DNAAF9: variants seen among roughly 807,000 people sequenced by gnomAD.
DNAAF9 encodes dynein axonemal assembly factor 9, also known as shulin.
A neutral mutation model predicts 167.0 loss-of-function variants in DNAAF9; 90 were observed. The observed-to-expected ratio is 0.54, with a 90% CI of 0.45 to 0.64. The LOEUF (loss-of-function observed/expected upper bound fraction) is 0.64, where lower values mean the gene tolerates loss of function less well. Ranked by LOEUF, DNAAF9 falls within the 30% of genes least tolerant of loss-of-function variation. DNAAF9 has a pLI of 0.00. For missense variants in DNAAF9, 1,315 were observed against 1,442.2 expected (o/e 0.91, Z 1.43); for synonymous variants, 491 against 508.8 (o/e 0.96, Z 0.47).
At chr20:3,264,548 C>A in intron 30 of DNAAF9, 24 bp from the exon 31 acceptor site, 2 of 1,154,030 alleles carry the variant, frequency 1.7e-6, no homozygotes. Context: ...CAGAAAAGAC[C>A]TAGATTAATT....
At chr20:3,335,527 C>T (rs191251879) in intron 10 of DNAAF9, among the ~76,000 whole-genome samples, 319 of 152,076 alleles carry the variant, frequency 2.1e-3, no homozygotes, top group African/African-American at 6.7e-3. Context: ...GAGGTCGAGG[C>T]GGGTGGATCA....
intron 30 of DNAAF9, among the ~76,000 whole-genome samples, chr20:3,264,912 T>A: frequency 6.6e-6 from 1 of 152,182 alleles, no homozygotes; most frequent in Non-Finnish European, 1.5e-5. Flanking sequence ...TCATGTCCCC[T>A]AAATACATAC....
intron 7 of DNAAF9, among the ~76,000 whole-genome samples, chr20:3,350,136 CACAGACACACAG>C (rs1424220044): frequency 7.2e-6 from 1 of 138,660 alleles, no homozygotes; most frequent in Admixed American, 7.0e-5. Context: ...CACACAGACA[CACAGACACACAG>C]ACACACAGAC....
At chr20:3,306,915 T>C (rs963834067) in intron 20 of DNAAF9, 1 of 985,346 alleles carries the variant, frequency 1.0e-6, no homozygotes, top group African/African-American at 1.7e-5. Flanking sequence ...TCCATAGGTG[T>C]CACGAGGTAG....
chr20:3,351,949 G>C (rs756668490), intron 7 of DNAAF9, among the ~76,000 whole-genome samples: 2 of 151,878 alleles, frequency 1.3e-5, no homozygotes, highest in Non-Finnish European at 2.9e-5. Flanking sequence ...AGTAGATATG[G>C]GGTTCCACCA....
intron 6 of DNAAF9, among the ~76,000 whole-genome samples, chr20:3,364,279 C>T (rs1357615340): frequency 6.6e-6 from 1 of 152,076 alleles, no homozygotes; most frequent in Admixed American, 6.6e-5. Flanking sequence ...TTTTTTTAAG[C>T]CTGATGATCT....
intron 11 of DNAAF9, among the ~76,000 whole-genome samples, chr20:3,331,549 C>T (rs2069830032): frequency 6.6e-6 from 1 of 152,138 alleles, no homozygotes; most frequent in Admixed American, 6.5e-5. Context: ...TCTGGATGGC[C>T]CCACAGCATG....
chr20:3,349,208 A>AGAAAG (rs2070262063), intron 7 of DNAAF9, among the ~76,000 whole-genome samples: 1 of 149,890 alleles, frequency 6.7e-6, no homozygotes, highest in African/African-American at 2.5e-5. Flanking sequence ...AAAAAACAAA[A>AGAAAG]AAAAAAAAAA....
At chr20:3,397,511 G>A (rs2083926881) in intron 1 of DNAAF9, among the ~76,000 whole-genome samples, 1 of 152,012 alleles carries the variant, frequency 6.6e-6, no homozygotes, top group Non-Finnish European at 1.5e-5. Flanking sequence ...GTAGAGATAG[G>A]GTTTCACCAT....
chr20:3,272,481 C>T (rs983914958), intron 29 of DNAAF9, among the ~76,000 whole-genome samples: 11 of 152,078 alleles, frequency 7.2e-5, no homozygotes, highest in African/African-American at 2.4e-4. Flanking sequence ...CATGCCTTGG[C>T]CTCCTCTAAA....
In DNAAF9 at chr20:3,407,515, G is replaced by A; in HGVS notation, c.43C>T (p.Arg15Trp). The change falls in exon 1 of 37, where the codon CGG becomes TGG. Residue 15 changes from arginine to tryptophan, a missense_variant. Transcript: ENST00000252032. Reference protein sequence around the residue: ...PPRRQGLPRARSPGGSSRGSP... With the variant: ...PPRRQGLPRAWSPGGSSRGSP... ...CCGCGGCTGGAGCCGCCAGGGGACC[G>A]AGCGCGGGGCAGCCCCTGCCGGCGC... 7.8e-7 allele frequency: 1 copy of A among 1,274,720 alleles called. No individual in the cohort carries two copies. 79.0% of individuals were successfully genotyped at this position (1,274,720 alleles called of 1,614,324 possible).
intron 29 of DNAAF9, among the ~76,000 whole-genome samples, chr20:3,273,511 T>C (rs1001315965): frequency 4.0e-5 from 6 of 151,680 alleles, no homozygotes; most frequent in African/African-American, 1.5e-4. Context: ...GTAGAAGGCC[T>C]GGGAGCCAGC....
intron 6 of DNAAF9, among the ~76,000 whole-genome samples, chr20:3,363,223 C>T (rs569617762): frequency 3.1e-4 from 43 of 139,694 alleles, no homozygotes; most frequent in African/African-American, 9.1e-4. Flanking sequence ...AGTGAGACTC[C>T]GTCTCAAAAA....
At chr20:3,353,632 CA>C (rs781241215) in intron 7 of DNAAF9, among the ~76,000 whole-genome samples, 76 of 43,230 alleles carry the variant, frequency 1.8e-3, no homozygotes, top group African/African-American at 6.7e-3. Context: ...TGTCCCCCCG[CA>C]CCACCCCCCC....
intron 7 of DNAAF9, among the ~76,000 whole-genome samples, chr20:3,354,110 G>C (rs2083253963): frequency 6.6e-6 from 1 of 152,164 alleles, no homozygotes; most frequent in South Asian, 2.1e-4. Flanking sequence ...TTACAGAAGA[G>C]ACTGAGGCAC....
chr20:3,299,281 C>T (rs572434864), intron 21 of DNAAF9, among the ~76,000 whole-genome samples: 6 of 152,196 alleles, frequency 3.9e-5, no homozygotes, highest in South Asian at 2.1e-4. Context: ...CTTTTGCACA[C>T]GGATATCTAG....
chr20:3,332,337 C>T lies in DNAAF9; in HGVS notation c.1006G>A (p.Gly336Arg), dbSNP rs2069845337. 1 of 1,606,942 alleles carries T rather than the reference C, an allele frequency of 6.2e-7. No homozygotes were observed. The highest frequency in any genetic ancestry group is 1.3e-5 in the African/African-American group (1 of 74,702). ...HMVAQCVSPK[G>R]PLACSRTYFF... is the part of the protein sequence containing the mutation. ...TATGTTCTCGAACAAGCAAGAGGTC[C>T]CTTTGGTGAGACACACTGGGCTACC... is the stretch of plus-strand genomic sequence containing the variant. Residue 336 changes from glycine to arginine, a missense_variant, in exon 11 of 37, where the codon GGA becomes AGA. Around this residue, in one of 2 missense-constraint regions of DNAAF9, gnomAD observed 981 missense variants for 1,012.5 expected, o/e 0.97. Transcript: ENST00000252032.
rs116248676 is a variant in DNAAF9 at position 3,382,243 on chromosome 20, G to T, written c.163+184C>A. On this transcript the variant is annotated intron_variant, in intron 2 of 36. Transcript: ENST00000252032. ...AAGGCAGAAGTAGCTCCAAAAATGG[G>T]CTTCCTATCTCACTGATAGCTCATC... Among the ~76,000 whole-genome samples, 411 of 152,248 alleles carry T rather than the reference G, an allele frequency of 2.7e-3. 1 individual carries two copies. Among genetic ancestry groups the T allele is most frequent in the African/African-American group, 9.3e-3 (386 of 41,548 alleles).
At position 3,324,953 on chromosome 20, in the gene DNAAF9, C is replaced by G; in HGVS notation, c.1204G>C (p.Glu402Gln). 1 of 1,601,788 alleles carries G rather than the reference C, an allele frequency of 6.2e-7. No individual in the cohort carries two copies. Among genetic ancestry groups the G allele is most frequent in the South Asian group, 1.1e-5 (1 of 90,818 alleles). ...SSLTKAKEVAEQTLGSGLDSF... is the reference protein window; with the variant it reads ...SSLTKAKEVAQQTLGSGLDSF... ...TCTAACCCAGATCCCAGAGTTTGCT[C>G]TGCTACCTCCTTGGCCTGTAAAATA... Residue 402 changes from glutamate (E) to glutamine (Q), a missense_variant, in exon 14 of 37, where the codon GAG becomes CAG. This residue lies in a region of DNAAF9 where 981 missense variants were observed against 1,012.5 expected (regional missense o/e 0.97). Transcript: ENST00000252032.
Sources: gnomAD v4.1 joint callset for allele counts (sites outside exome capture counted in the v4.1 genomes callset) on GRCh38, gnomAD v4.1.1 for gene constraint, gnomAD v4.1.1 regional missense constraint, MANE v1.5 for transcripts, NCBI Gene and HGNC (gene_info 2026-07-23, HGNC 2026-07-21) for gene names.